Variants in PLAAT1 observed in about 807,000 individuals in gnomAD.
PLAAT1 encodes phospholipase A and acyltransferase 1.
In PLAAT1, 13 loss-of-function variants were observed where a neutral mutation model predicts 16.4. The observed-to-expected ratio is 0.79, with a 90% CI of 0.52 to 1.26. The LOEUF (loss-of-function observed/expected upper bound fraction) is 1.26, where lower values mean the gene tolerates loss of function less well. Ranked by LOEUF, PLAAT1 falls within the 50% of genes most tolerant of loss-of-function variation. The pLI is 0.00. For synonymous variants in PLAAT1, 73 were observed against 78.4 expected (o/e 0.93, Z 0.36); for missense variants, 218 against 207.8 (o/e 1.05, Z -0.30).
At chr3:193,279,335 C>T (rs1354587349), downstream of PLAAT1, 1 of 1,515,136 alleles carries the variant, frequency 6.6e-7, no homozygotes, top group South Asian at 1.1e-5. Context: ...GTACATGAGT[C>T]ATGCCAGATG....
intron 3 of PLAAT1, among the ~76,000 whole-genome samples, chr3:193,268,561 C>T (rs976108763): frequency 1.3e-5 from 2 of 152,216 alleles, no homozygotes; most frequent in Non-Finnish European, 2.9e-5. Context: ...TCACCAAGAA[C>T]ATCCTGAGAT....
chr3:193,241,452 G>C lies in PLAAT1; in HGVS notation c.-82G>C. The C allele has an allele frequency of 3.2e-6, 4 of 1,231,870 alleles. No homozygotes were observed. Among genetic ancestry groups the C allele is most frequent in the Non-Finnish European group, 4.0e-6 (4 of 988,092 alleles). The allele number at this position is 1,231,870 out of a possible 1,614,324, so 76.3% of individuals were successfully genotyped here. A position where few individuals can be genotyped will look rare whatever the true frequency, so the allele number is the denominator to read the frequency against. On this transcript the variant is annotated 5_prime_UTR_variant, in exon 1 of 4. Coordinates refer to ENST00000264735, the MANE Select transcript of PLAAT1 (RefSeq NM_020386.5). ...TCCCGCGGCCGCCGGCGGCAAGGTC[G>C]GCAGCTGCGAGGCCAAGAGAGACCC...
chr3:193,270,944 A>G (rs992332587), downstream of PLAAT1: 12 of 686,492 alleles, frequency 1.7e-5, no homozygotes, highest in Non-Finnish European at 2.3e-5. Context: ...TGAGTGAGCC[A>G]GCAGAAGATC....
At chr3:193,261,185 T>C (rs1454321612) in intron 2 of PLAAT1, among the ~76,000 whole-genome samples, 2 of 152,050 alleles carry the variant, frequency 1.3e-5, no homozygotes, top group Admixed American at 1.3e-4. Context: ...CTGGCCAACA[T>C]GACGAAACCC....
chr3:193,252,157 GA>G, intron 1 of PLAAT1, among the ~76,000 whole-genome samples: 1 of 152,194 alleles, frequency 6.6e-6, no homozygotes, highest in Non-Finnish European at 1.5e-5. Flanking sequence ...TGCAATGGGG[GA>G]CCAGGTGTAC....
rs574709248 is a variant in PLAAT1 at position 193,263,526 on chromosome 3, A to G, written c.405+291A>G. On this transcript the variant is annotated intron_variant, in intron 3 of 3. Coordinates refer to ENST00000264735, the MANE Select transcript of PLAAT1 (RefSeq NM_020386.5). ...TTTTTTTCCTGTTACTTCACCATACAGCAGTTTCAAATTGGTGATCTCATA... is the reference window on the plus strand; with the variant it reads ...TTTTTTTCCTGTTACTTCACCATACGGCAGTTTCAAATTGGTGATCTCATA... 5.9e-5 allele frequency among the ~76,000 whole-genome samples: 9 copies of G among 152,312 alleles called. No homozygotes were observed. In the East Asian group the frequency reaches 1.7e-3, roughly 29 times the overall value.
intron 3 of PLAAT1, among the ~76,000 whole-genome samples, chr3:193,270,144 C>G: frequency 6.6e-6 from 1 of 151,590 alleles, no homozygotes; most frequent in Non-Finnish European, 1.5e-5. Flanking sequence ...CCCAACCAAT[C>G]CAAAGTGTTT....
chr3:193,274,997 G>C (rs766440007), downstream of PLAAT1: 2 of 1,603,140 alleles, frequency 1.2e-6, no homozygotes, highest in South Asian at 2.2e-5. Flanking sequence ...TGTTAATTTT[G>C]GGGAAAAAAG....
Position 193,241,533 on chromosome 3 carries a change from G to C in PLAAT1, c.-1G>C. The C allele has an allele frequency of 8.1e-7, 1 of 1,231,978 alleles. No individual in the cohort carries two copies. The highest frequency in any genetic ancestry group is 1.0e-6 in the Non-Finnish European group (1 of 988,204). The allele number at this position is 1,231,978 out of a possible 1,614,324, so 76.3% of individuals were successfully genotyped here. ...GAAGAAGACCCCGGCTTGAGAGTGA[G>C]GTGTGCTGGGCGGAGTGGGGGAGGA... On this transcript the variant is annotated splice_region_variant and 5_prime_UTR_variant, in exon 1 of 4. Transcript: ENST00000264735.
chr3:193,267,137 C>G (rs1716808563), intron 3 of PLAAT1, among the ~76,000 whole-genome samples: 1 of 152,116 alleles, frequency 6.6e-6, no homozygotes, highest in African/African-American at 2.4e-5. Context: ...CCCAGTATAG[C>G]CATCTCCTTC....
At position 193,250,417 on chromosome 3, in the gene PLAAT1, G is replaced by A. The variant is rs183689085; in HGVS notation, c.1-5234G>A. On this transcript the variant is annotated intron_variant, in intron 1 of 3. Coordinates refer to ENST00000264735, the MANE Select transcript of PLAAT1 (RefSeq NM_020386.5). The stretch of plus-strand genomic sequence containing the variant: ...CTATACCAAGGAGAATGTCTGAGGC[G>A]GATGCTTATACTCTTGATAGACTGC... 3.1e-3 allele frequency among the ~76,000 whole-genome samples: 466 copies of A among 152,208 alleles called. 1 individual carries two copies. Among genetic ancestry groups the A allele is most frequent in the Non-Finnish European group, 4.5e-3 (309 of 68,004 alleles).
At chr3:193,274,480 T>G (rs1251117784), downstream of PLAAT1, among the ~76,000 whole-genome samples, 1 of 152,224 alleles carries the variant, frequency 6.6e-6, no homozygotes, top group African/African-American at 2.4e-5. Context: ...TCTCCTTCAT[T>G]CTACCACTTC....
chr3:193,262,283 G>C (rs1011018702), intron 2 of PLAAT1, among the ~76,000 whole-genome samples: 1 of 151,962 alleles, frequency 6.6e-6, no homozygotes, highest in Non-Finnish European at 1.5e-5. Context: ...TCACTGCCTG[G>C]GGCCATGTCT....
chr3:193,268,359 A>G (rs921297149), intron 3 of PLAAT1, among the ~76,000 whole-genome samples: 2 of 152,128 alleles, frequency 1.3e-5, no homozygotes, highest in Non-Finnish European at 2.9e-5. Flanking sequence ...TGTCCCCGCT[A>G]TACTGCTGTC....
At chr3:193,271,057 T>A (rs1716969202), downstream of PLAAT1, among the ~76,000 whole-genome samples, 1 of 152,210 alleles carries the variant, frequency 6.6e-6, no homozygotes, top group African/African-American at 2.4e-5. Flanking sequence ...TTATATATGG[T>A]TTTGAAAGAA....
At chr3:193,266,720 A>G (rs1258853475) in intron 3 of PLAAT1, among the ~76,000 whole-genome samples, 1 of 152,164 alleles carries the variant, frequency 6.6e-6, no homozygotes, top group Non-Finnish European at 1.5e-5. Context: ...AATAAATAGC[A>G]TGCCCATAGT....
At chr3:193,259,978 A>G (rs1716522929) in intron 2 of PLAAT1, among the ~76,000 whole-genome samples, 1 of 152,114 alleles carries the variant, frequency 6.6e-6, no homozygotes, top group Non-Finnish European at 1.5e-5. Context: ...ATAGTAACCA[A>G]AACATCATAG....
At chr3:193,252,841 A>C (rs1012958495) in intron 1 of PLAAT1, among the ~76,000 whole-genome samples, 4 of 152,116 alleles carry the variant, frequency 2.6e-5, no homozygotes, top group African/African-American at 9.7e-5. Context: ...CAGTTAAACT[A>C]CCTGCCTGGT....
At chr3:193,265,108 A>C (rs1400855651) in intron 3 of PLAAT1, among the ~76,000 whole-genome samples, 2 of 152,158 alleles carry the variant, frequency 1.3e-5, no homozygotes, top group Non-Finnish European at 2.9e-5. Context: ...ATTCCTCTAA[A>C]ATTAAATGTA....
Sources: gnomAD v4.1 joint callset for allele counts (sites outside exome capture counted in the v4.1 genomes callset) on GRCh38, gnomAD v4.1.1 for gene constraint, MANE v1.5 for transcripts, NCBI Gene and HGNC (gene_info 2026-07-23, HGNC 2026-07-21) for gene names.